ARHGAP6: variants seen among roughly 807,000 people sequenced by gnomAD.
ARHGAP6 encodes rho GTPase-activating protein 6.
In ARHGAP6, 16 loss-of-function variants were observed where a neutral mutation model predicts 55.7. The observed-to-expected ratio is 0.29, with a 90% CI of 0.19 to 0.44. The LOEUF (loss-of-function observed/expected upper bound fraction) is 0.44, where lower values mean the gene tolerates loss of function less well. Ranked by LOEUF, ARHGAP6 falls within the 20% of genes least tolerant of loss-of-function variation. ARHGAP6 has a pLI of 1.00. For synonymous variants in ARHGAP6, 382 were observed against 360.9 expected, an observed-to-expected ratio of 1.06 and a Z score of -0.66; for missense variants, 698 against 808.9, an observed-to-expected ratio of 0.86 and a Z score of 1.66.
chrX:11,556,240 T>C (rs1374917895), intron 1 of ARHGAP6, among the ~76,000 whole-genome samples: 1 of 112,048 alleles, frequency 8.9e-6, no homozygotes, highest in Non-Finnish European at 1.9e-5. Flanking sequence ...AAAATGCTGT[T>C]ACTTAACTAT....
chrX:11,464,172 T>C (rs749889477), intron 1 of ARHGAP6, among the ~76,000 whole-genome samples: 1 of 112,364 alleles, frequency 8.9e-6, no homozygotes, highest in African/African-American at 3.2e-5. Context: ...ATGCCCTCTT[T>C]GTGGCTGAAT....
intron 6 of ARHGAP6, among the ~76,000 whole-genome samples, chrX:11,179,676 T>C (rs2046285582): frequency 9.4e-6 from 1 of 106,490 alleles, no homozygotes; most frequent in African/African-American, 3.4e-5. Context: ...TATATGAGTA[T>C]ACACATGTAT....
At chrX:11,525,675 C>A (rs967393852) in intron 1 of ARHGAP6, among the ~76,000 whole-genome samples, 2 of 111,917 alleles carry the variant, frequency 1.8e-5, no homozygotes, top group African/African-American at 6.5e-5. Context: ...TTTTATAGTT[C>A]AGTCCAAAGA....
In ARHGAP6 at chrX:11,138,543, A is replaced by G; in HGVS notation, c.*320T>C. On this transcript the variant is annotated 3_prime_UTR_variant, in exon 13 of 13. Coordinates refer to ENST00000337414, the MANE Select transcript of ARHGAP6 (RefSeq NM_013427.3). The stretch of plus-strand genomic sequence containing the variant: ...CAGAATACACAATAGTCAAAACCGA[A>G]GACACATAAATACGGTTAGGCTATA... The G allele has an allele frequency of 6.5e-6, 2 of 307,076 alleles. No individual in the cohort carries two copies. Among genetic ancestry groups the G allele is most frequent in the Non-Finnish European group, 1.1e-5 (2 of 177,428 alleles). The allele number at this position is 307,076 out of a possible 1,213,427, so 25.3% of individuals were successfully genotyped here.
At chrX:11,540,207 T>G (rs1379473331) in intron 1 of ARHGAP6, among the ~76,000 whole-genome samples, 1 of 102,279 alleles carries the variant, frequency 9.8e-6, no homozygotes, top group Non-Finnish European at 2.0e-5. Context: ...TGAGCCGAGA[T>G]CACGCCACTG....
Position 11,139,175 on chromosome X carries a change from A to G in ARHGAP6, c.2613T>C (p.His871=). 1 of 1,205,663 alleles carries G rather than the reference A, an allele frequency of 8.3e-7. No individual in the cohort carries two copies. The highest frequency in any genetic ancestry group is 1.1e-6 in the Non-Finnish European group (1 of 893,698). ...GCCGCTTGTCATCCCTCCCACTCCC[A>G]TGGGGTCTTTGGCACTGAGGTGTGG... ...SRATPQCQRP[H]GSGRDDKRPP... The change falls in exon 13 of 13, where the codon CAT becomes CAC. Residue 871 remains histidine, a synonymous_variant. Coordinates refer to ENST00000337414, the MANE Select transcript of ARHGAP6 (RefSeq NM_013427.3).
At chrX:11,635,205 TA>T (rs2052404546) in intron 1 of ARHGAP6, among the ~76,000 whole-genome samples, 1 of 112,095 alleles carries the variant, frequency 8.9e-6, no homozygotes, top group Non-Finnish European at 1.9e-5. Flanking sequence ...TTATTGGTTA[TA>T]AGCAAGTTAT....
intron 1 of ARHGAP6, among the ~76,000 whole-genome samples, chrX:11,506,990 G>A (rs1449638157): frequency 1.8e-5 from 2 of 112,142 alleles, no homozygotes; most frequent in African/African-American, 6.5e-5. Flanking sequence ...AATGACCAGT[G>A]ATGGTGAGCA....
chrX:11,378,572 T>C (rs2049227945), intron 1 of ARHGAP6, among the ~76,000 whole-genome samples: 1 of 112,702 alleles, frequency 8.9e-6, no homozygotes, highest in Admixed American at 9.3e-5. Flanking sequence ...ACAGGTAATA[T>C]GTCTAGGGAC....
chrX:11,427,970 G>A (rs2049906043), intron 1 of ARHGAP6, among the ~76,000 whole-genome samples: 1 of 112,265 alleles, frequency 8.9e-6, no homozygotes, highest in Non-Finnish European at 1.9e-5. Flanking sequence ...TGCGGAGGCC[G>A]AACGCGCCCA....
intron 1 of ARHGAP6, among the ~76,000 whole-genome samples, chrX:11,270,345 G>A (rs145981310): frequency 4.8e-4 from 54 of 111,763 alleles, no homozygotes; most frequent in African/African-American, 1.8e-3. Context: ...GAGAATTTTG[G>A]TAAATACATA....
At position 11,323,261 on chromosome X, in the gene ARHGAP6, A is replaced by C. The variant is rs779949628; in HGVS notation, c.589-68554T>G. Among the ~76,000 whole-genome samples the C allele has an allele frequency of 7.3e-3, 820 of 112,791 alleles. 4 individuals carry two copies. The highest frequency in any genetic ancestry group is 0.011 in the Non-Finnish European group (603 of 53,370). On this transcript the variant is annotated intron_variant, in intron 1 of 12. Coordinates refer to ENST00000337414, the MANE Select transcript of ARHGAP6 (RefSeq NM_013427.3). ...TATGAGGGGACTTCAAAAAGTTCAT[A>C]GAAAATATGCATTATGAAAGAACTA...
intron 1 of ARHGAP6, among the ~76,000 whole-genome samples, chrX:11,348,365 C>G (rs2048814577): frequency 8.9e-6 from 1 of 111,945 alleles, no homozygotes; most frequent in Non-Finnish European, 1.9e-5. Flanking sequence ...TAAAAGGGAA[C>G]CCCATTCTCA....
At chrX:11,501,517 T>C (rs2050677506) in intron 1 of ARHGAP6, among the ~76,000 whole-genome samples, 1 of 111,572 alleles carries the variant, frequency 9.0e-6, no homozygotes, top group Non-Finnish European at 1.9e-5. Context: ...AAATTACAAC[T>C]GACATTTGAA....
At chrX:11,250,778 T>C in intron 2 of ARHGAP6, among the ~76,000 whole-genome samples, 1 of 111,374 alleles carries the variant, frequency 9.0e-6, no homozygotes, top group Non-Finnish European at 1.9e-5. Flanking sequence ...TCTCCCTATC[T>C]CAAGGACCTT....
At chrX:11,577,016 C>T (rs1423987266) in intron 1 of ARHGAP6, among the ~76,000 whole-genome samples, 1 of 112,123 alleles carries the variant, frequency 8.9e-6, no homozygotes. Flanking sequence ...ATCACACCTC[C>T]TTCTCTGAAT....
chrX:11,347,977 T>A (rs2048810101), intron 1 of ARHGAP6, among the ~76,000 whole-genome samples: 1 of 112,231 alleles, frequency 8.9e-6, no homozygotes, highest in Non-Finnish European at 1.9e-5. Flanking sequence ...TCACTATTTA[T>A]GATCATCAGG....
intron 4 of ARHGAP6, 144 bp downstream of exon 4, chrX:11,188,584 G>A: frequency 1.1e-6 from 1 of 891,342 alleles, no homozygotes; most frequent in Non-Finnish European, 1.6e-6. Flanking sequence ...CGTGCCCAGT[G>A]CACATTCTTC....
At chrX:11,552,236 C>G (rs2051273541) in intron 1 of ARHGAP6, among the ~76,000 whole-genome samples, 1 of 109,433 alleles carries the variant, frequency 9.1e-6, no homozygotes, top group South Asian at 3.9e-4. Context: ...CACCTCACAC[C>G]TGTTAGAATG....
Sources: allele counts gnomAD v4.1 joint callset (sites outside exome capture counted in the v4.1 genomes callset), GRCh38; gene constraint gnomAD v4.1.1; transcripts MANE v1.5; gene names NCBI Gene and HGNC (gene_info 2026-07-23, HGNC 2026-07-21).